The following SIRT4 variants were observed in gnomAD, a reference collection of about 807,000 sequenced individuals.
SIRT4 encodes NAD-dependent protein lipoamidase sirtuin-4, mitochondrial.
Under a neutral mutation model 26.1 loss-of-function variants are expected in SIRT4, and 23 were observed. The ratio of observed to expected loss-of-function variants is 0.88; its 90% confidence interval spans 0.63 to 1.25. The LOEUF (loss-of-function observed/expected upper bound fraction) is 1.25. SIRT4 is among the 50% of genes most tolerant of loss of function. The pLI is 0.00. For missense variants in SIRT4, 361 were observed against 405.4 expected (o/e 0.89, Z 0.94); for synonymous variants, 155 against 158.4 (o/e 0.98, Z 0.16).
chr12:120,306,786 G>C (rs1402646631), intron 2 of SIRT4, among the ~76,000 whole-genome samples: 1 of 151,982 alleles, frequency 6.6e-6, no homozygotes, highest in East Asian at 1.9e-4. Context: ...CTGGACAACA[G>C]AGTGAGACTC....
chr12:120,294,547 G>A, the SIRT4 span, among the ~76,000 whole-genome samples: 1 of 151,842 alleles, frequency 6.6e-6, no homozygotes, highest in African/African-American at 2.4e-5. Context: ...GTGAGCCACC[G>A]CGCCCGGTCC....
intron 1 of SIRT4, 65 bp downstream of exon 1, chr12:120,302,443 T>C (rs1041828039): frequency 3.3e-5 from 5 of 152,246 alleles, no homozygotes; most frequent in African/African-American, 1.2e-4. Flanking sequence ...GGGATTCTAT[T>C]TCTCCTCTTT....
chr12:120,296,546 C>T, the SIRT4 span, among the ~76,000 whole-genome samples: 2 of 140,022 alleles, frequency 1.4e-5, no homozygotes, highest in African/African-American at 5.3e-5. Context: ...TGTTCTCAGT[C>T]GCTTAGGTTG....
chr12:120,299,817 A>G (rs1284817465), upstream of SIRT4, among the ~76,000 whole-genome samples: 1 of 152,180 alleles, frequency 6.6e-6, no homozygotes, highest in African/African-American at 2.4e-5. Flanking sequence ...CCCATCAGAC[A>G]TTATCTTGTG....
chr12:120,305,788 G>A (rs935418340), intron 2 of SIRT4, among the ~76,000 whole-genome samples: 9 of 152,112 alleles, frequency 5.9e-5, no homozygotes, highest in Non-Finnish European at 8.8e-5. Context: ...TGAGGCAGGC[G>A]GATCACGAGG....
At chr12:120,296,904 A>G in the SIRT4 span, among the ~76,000 whole-genome samples, 2 of 151,992 alleles carry the variant, frequency 1.3e-5, no homozygotes, top group Non-Finnish European at 2.9e-5. Flanking sequence ...GGATTTAGTC[A>G]TTAATTCTGG....
chr12:120,292,892 G>T, the SIRT4 span, among the ~76,000 whole-genome samples: 41 of 152,304 alleles, frequency 2.7e-4, no homozygotes, highest in Non-Finnish European at 3.2e-4. Context: ...TAAAAGTAGA[G>T]ATCACAAAAT....
Position 120,312,783 on chromosome 12 carries a change from T to C in SIRT4, c.792+33T>C, listed in dbSNP as rs1873043681. On this transcript the variant is annotated intron_variant, in intron 3 of 3. Transcript: ENST00000202967. ...ACTTGGCAAGAGTGGTAACCACCCC[T>C]TGTGCGGGATTGGGAGTCCTGGAGA... 1.9e-6 allele frequency: 3 copies of C among 1,606,178 alleles called. No individual in the cohort carries two copies. In the South Asian group the frequency reaches 3.3e-5, roughly 18 times the overall value.
chr12:120,307,878 A>C (rs1340227811), intron 2 of SIRT4, among the ~76,000 whole-genome samples: 1 of 152,082 alleles, frequency 6.6e-6, no homozygotes, highest in East Asian at 1.9e-4. Context: ...CCAAGCAAAC[A>C]AACAAAGAAA....
chr12:120,303,213 C>T (rs1396128406), intron 1 of SIRT4, among the ~76,000 whole-genome samples: 1 of 151,910 alleles, frequency 6.6e-6, no homozygotes, highest in Non-Finnish European at 1.5e-5. Flanking sequence ...GACTCAGAGG[C>T]TCACACCTGT....
chr12:120,311,063 A>G (rs1872946210), intron 2 of SIRT4, among the ~76,000 whole-genome samples: 1 of 149,194 alleles, frequency 6.7e-6, no homozygotes, highest in Non-Finnish European at 1.5e-5. Flanking sequence ...AAAAAAAAAA[A>G]AAAAAAAAAA....
At chr12:120,292,150 G>C in the SIRT4 span, among the ~76,000 whole-genome samples, 1 of 152,256 alleles carries the variant, frequency 6.6e-6, no homozygotes, top group African/African-American at 2.4e-5. Flanking sequence ...ACGTCACAGA[G>C]ATGACTCGGT....
intron 2 of SIRT4, among the ~76,000 whole-genome samples, chr12:120,310,500 G>C (rs961509069): frequency 6.6e-6 from 1 of 152,118 alleles, no homozygotes; most frequent in East Asian, 1.9e-4. Flanking sequence ...TACAAGGTGT[G>C]AGCCACCATG....
chr12:120,303,776 C>T lies in SIRT4; in HGVS notation c.215C>T (p.Pro72Leu). 1 of 1,614,132 alleles carries T rather than the reference C, an allele frequency of 6.2e-7. No homozygotes were observed. The highest frequency in any genetic ancestry group is 8.5e-7 in the Non-Finnish European group (1 of 1,180,030). ...GAGISTESGI[P>L]DYRSEKVGLY... is the part of the protein sequence containing the mutation. ...GGAATCTCCACCGAATCGGGGATAC[C>T]AGACTACAGGTCAGAAAAAGTGGGG... Residue 72 changes from proline to leucine, a missense_variant, in exon 2 of 4, where the codon CCA (proline) becomes CTA (leucine). Coordinates refer to ENST00000202967, the MANE Select transcript of SIRT4 (RefSeq NM_012240.3).
At chr12:120,298,594 A>C (rs1435282870), upstream of SIRT4, among the ~76,000 whole-genome samples, 1 of 151,922 alleles carries the variant, frequency 6.6e-6, no homozygotes, top group African/African-American at 2.4e-5. Flanking sequence ...CATGTCCCCA[A>C]AATAAAAAAA....
chr12:120,295,403 A>AAT, the SIRT4 span, among the ~76,000 whole-genome samples: 175 of 138,828 alleles, frequency 1.3e-3, no homozygotes, highest in African/African-American at 3.7e-3. Flanking sequence ...TATATGTATA[A>AAT]ATATATATAT....
At chr12:120,309,888 T>C (rs1174468567) in intron 2 of SIRT4, among the ~76,000 whole-genome samples, 1 of 151,444 alleles carries the variant, frequency 6.6e-6, no homozygotes, top group African/African-American at 2.4e-5. Context: ...GCTAATTTTT[T>C]TGTATTTTTG....
At chr12:120,293,039 C>T in the SIRT4 span, 2 of 149,580 alleles carry the variant, frequency 1.3e-5, no homozygotes, top group Admixed American at 6.7e-5. Context: ...CCTCCCAAAA[C>T]CAAGCACCCC....
chr12:120,308,190 A>G (rs1365927512), intron 2 of SIRT4, among the ~76,000 whole-genome samples: 4 of 134,642 alleles, frequency 3.0e-5, no homozygotes, highest in Admixed American at 7.7e-5. Flanking sequence ...TTTTTTTGAA[A>G]CACAGTCTTG....
Sources: gnomAD v4.1 joint callset for allele counts (sites outside exome capture counted in the v4.1 genomes callset) on GRCh38, gnomAD v4.1.1 for gene constraint, MANE v1.5 for transcripts, NCBI Gene and HGNC (gene_info 2026-07-23, HGNC 2026-07-21) for gene names.